The following TMEM132C variants were observed in gnomAD, a reference collection of about 807,000 sequenced individuals.
TMEM132C encodes transmembrane protein 132C.
TMEM132C carries 29 observed loss-of-function variants against 61.4 expected under a neutral mutation model. The observed-to-expected ratio is 0.47, with a 90% CI of 0.35 to 0.64. The LOEUF is 0.64. TMEM132C is among the 30% of genes least tolerant of loss of function. The probability of loss-of-function intolerance (pLI) is 0.00; values close to 1 mark genes in which losing one functional copy is unlikely to be tolerated. For missense variants in TMEM132C, 1,408 were observed against 1,476.9 expected (o/e 0.95, Z 0.76); for synonymous variants, 656 against 633.1 (o/e 1.04, Z -0.54).
intron 1 of TMEM132C, among the ~76,000 whole-genome samples, chr12:128,383,208 G>A (rs527742349): frequency 6.6e-6 from 1 of 152,222 alleles, no homozygotes; most frequent in African/African-American, 2.4e-5. Context: ...GTGTACATGT[G>A]TGTATGAGCA....
chr12:128,504,738 TC>T (rs2047939516), intron 2 of TMEM132C, among the ~76,000 whole-genome samples: 2 of 144,818 alleles, frequency 1.4e-5, no homozygotes, highest in African/African-American at 5.1e-5. Flanking sequence ...CAGATAATCT[TC>T]ATTACCTCCT....
At chr12:128,413,173 C>T (rs1228105440) in intron 1 of TMEM132C, among the ~76,000 whole-genome samples, 1 of 151,806 alleles carries the variant, frequency 6.6e-6, no homozygotes, top group Non-Finnish European at 1.5e-5. Flanking sequence ...GTGGTGGGCA[C>T]CTGTAGTCCC....
intron 3 of TMEM132C, among the ~76,000 whole-genome samples, chr12:128,549,307 A>T (rs113892221): frequency 0.029 from 4,434 of 152,166 alleles, 262 homozygotes; most frequent in African/African-American, 0.1. Flanking sequence ...CCAACGTGAG[A>T]CACGAGGCCA....
rs552285779 is a variant in TMEM132C, at chr12:128,498,388, TAAG to T, written c.975-45565_975-45563del. Reference sequence around the variant, plus strand: ...TGATGTTCTATATAAAAAAAAACCTTAAGAAGGCTGGGTACAGTGGCTCACACC... The same window carrying T: ...TGATGTTCTATATAAAAAAAAACCTTAAGGCTGGGTACAGTGGCTCACACC... On this transcript the variant is annotated intron_variant, in intron 2 of 8. Transcript: ENST00000435159. 2.0e-3 allele frequency among the ~76,000 whole-genome samples: 307 copies of T among 152,032 alleles called. 2 individuals carry two copies. The highest frequency in any genetic ancestry group is 7.2e-3 in the African/African-American group (299 of 41,500).
intron 3 of TMEM132C, among the ~76,000 whole-genome samples, chr12:128,559,293 C>T (rs1034388351): frequency 6.6e-6 from 1 of 151,956 alleles, no homozygotes; most frequent in African/African-American, 2.4e-5. Flanking sequence ...TTCTTTTTTT[C>T]CAAACATCTG....
chr12:128,575,699 C>T (rs1875067022), intron 3 of TMEM132C, among the ~76,000 whole-genome samples: 1 of 152,166 alleles, frequency 6.6e-6, no homozygotes, highest in South Asian at 2.1e-4. Flanking sequence ...ATTTGTATGT[C>T]TATTGACAAG....
intron 1 of TMEM132C, among the ~76,000 whole-genome samples, chr12:128,349,830 C>T (rs1448886491): frequency 6.6e-6 from 1 of 152,092 alleles, no homozygotes; most frequent in Admixed American, 6.5e-5. Context: ...CCTCTTTTCT[C>T]TCTCTGTATT....
intron 4 of TMEM132C, among the ~76,000 whole-genome samples, chr12:128,665,863 A>G (rs1043318624): frequency 4.0e-5 from 6 of 148,422 alleles, no homozygotes; most frequent in African/African-American, 1.5e-4. Context: ...ACACACATAC[A>G]CACAGGCACA....
At chr12:128,515,585 G>GGCGTGATTA (rs1426181805) in intron 2 of TMEM132C, among the ~76,000 whole-genome samples, 1 of 152,208 alleles carries the variant, frequency 6.6e-6, no homozygotes, top group Non-Finnish European at 1.5e-5. Flanking sequence ...TGTAATCCCA[G>GGCGTGATTA]CACTTTGGGA....
intron 2 of TMEM132C, among the ~76,000 whole-genome samples, chr12:128,517,676 C>T (rs561658027): frequency 6.6e-6 from 1 of 152,214 alleles, no homozygotes; most frequent in Admixed American, 6.5e-5. Flanking sequence ...TGGAACTTTT[C>T]ATAATAAATT....
rs1389497675 is a variant in TMEM132C at position 128,567,891 on chromosome 12, T to C, written c.1121+23788T>C. The stretch of plus-strand genomic sequence containing the variant: ...TGCCTTGTGCATGGGCTGTGCTGAT[T>C]CGATTTGCTAAGCCTGTGCCATGTG... On this transcript the variant is annotated intron_variant, in intron 3 of 8. Coordinates refer to ENST00000435159, the MANE Select transcript of TMEM132C (RefSeq NM_001136103.3). 2.0e-5 allele frequency among the ~76,000 whole-genome samples: 3 copies of C among 152,216 alleles called. No individual in the cohort carries two copies. In the East Asian group the frequency reaches 5.8e-4, roughly 29 times the overall value.
intron 1 of TMEM132C, among the ~76,000 whole-genome samples, chr12:128,407,631 G>A (rs2136015406): frequency 6.6e-6 from 1 of 152,272 alleles, no homozygotes; most frequent in South Asian, 2.1e-4. Flanking sequence ...TCTTCTCCAG[G>A]TTGGCCCAGG....
intron 2 of TMEM132C, among the ~76,000 whole-genome samples, chr12:128,447,705 C>CTTTTGTTTTT (rs1870030517): frequency 1.7e-5 from 1 of 58,620 alleles, no homozygotes; most frequent in Non-Finnish European, 3.0e-5. Context: ...ATTTCAAGTG[C>CTTTTGTTTTT]TTTTTTTTTT....
In TMEM132C at chr12:128,625,197, C is replaced by A. The variant is rs553964367; in HGVS notation, c.1305+8862C>A. On this transcript the variant is annotated intron_variant, in intron 4 of 8. Transcript: ENST00000435159. ...CTGAGCATTTTCTTCCTATCATAGT[C>A]CATTCCAGCTGCTATAACAAAATGC... is the stretch of plus-strand genomic sequence containing the variant. Among the ~76,000 whole-genome samples the A allele has an allele frequency of 3.3e-5, 5 of 152,310 alleles. No individual in the cohort carries two copies. The South Asian group carries it at 1.0e-3, about 32-fold the overall frequency.
At chr12:128,313,407 G>A (rs1872040873) in intron 1 of TMEM132C, among the ~76,000 whole-genome samples, 1 of 152,118 alleles carries the variant, frequency 6.6e-6, no homozygotes, top group Non-Finnish European at 1.5e-5. Flanking sequence ...TACCCAGTCT[G>A]CCATCCTACA....
intron 3 of TMEM132C, among the ~76,000 whole-genome samples, chr12:128,581,663 T>C (rs1056618426): frequency 6.6e-6 from 1 of 152,376 alleles, no homozygotes; most frequent in East Asian, 1.9e-4. Flanking sequence ...AGGCAGCTGA[T>C]GTCGATTTGC....
At position 128,366,631 on chromosome 12, in the gene TMEM132C, G is replaced by C. The variant is rs957188088; in HGVS notation, c.86-48101G>C. ...AACGTGCCCCAGCCTCACACAGGCA[G>C]CAGGGAAGATAGTGGGAGAACCCTT... On this transcript the variant is annotated intron_variant, in intron 1 of 8. Coordinates refer to ENST00000435159, the MANE Select transcript of TMEM132C (RefSeq NM_001136103.3). Among the ~76,000 whole-genome samples, 10 of 152,326 alleles carry C rather than the reference G, an allele frequency of 6.6e-5. No homozygotes were observed. In the East Asian group the frequency reaches 1.9e-3, roughly 29 times the overall value.
chr12:128,521,317 A>G (rs574537702), intron 2 of TMEM132C, among the ~76,000 whole-genome samples: 36 of 146,290 alleles, frequency 2.5e-4, no homozygotes, highest in Middle Eastern at 6.9e-3. Flanking sequence ...GTATATATAT[A>G]TATGTGTGTG....
chr12:128,318,084 C>T lies in TMEM132C; in HGVS notation c.85+50597C>T, dbSNP rs557957178. Among the ~76,000 whole-genome samples, 112 of 152,188 alleles carry T rather than the reference C, an allele frequency of 7.4e-4. 1 individual carries two copies. Among genetic ancestry groups the T allele is most frequent in the African/African-American group, 2.5e-3 (103 of 41,500 alleles). On this transcript the variant is annotated intron_variant, in intron 1 of 8. Coordinates refer to ENST00000435159, the MANE Select transcript of TMEM132C (RefSeq NM_001136103.3). ...ACCTGTTGGATGTCAGGCTGGGGCT[C>T]GGCTTTGAGGACATGGTGGTGAAAA...
Sources: allele counts gnomAD v4.1 joint callset (sites outside exome capture counted in the v4.1 genomes callset), GRCh38; gene constraint gnomAD v4.1.1; transcripts MANE v1.5; gene names NCBI Gene and HGNC (gene_info 2026-07-23, HGNC 2026-07-21).